The following DCX variants were observed in gnomAD, a reference collection of about 807,000 sequenced individuals.
DCX encodes doublecortin, also known as neuronal migration protein doublecortin.
A neutral mutation model predicts 20.9 loss-of-function variants in DCX; 4 were observed. That is an observed-to-expected ratio of 0.19 (90% CI 0.09 to 0.44). The LOEUF (loss-of-function observed/expected upper bound fraction) is 0.44, where lower values mean the gene tolerates loss of function less well. Among genes scored for constraint, DCX ranks in the 20% least tolerant of loss-of-function variants. DCX has a pLI of 0.99. For synonymous variants in DCX, 103 were observed against 111.4 expected (o/e 0.92, Z 0.47); for missense variants, 133 against 296.9 (o/e 0.45, Z 4.06).
intron 5 of DCX, among the ~76,000 whole-genome samples, chrX:111,315,030 C>T: frequency 9.2e-6 from 1 of 108,823 alleles, no homozygotes; most frequent in South Asian, 4.0e-4. Flanking sequence ...ACATGAAGTC[C>T]TTGCCCACGC....
chrX:111,383,651 A>G (rs967190622), intron 3 of DCX, among the ~76,000 whole-genome samples: 4 of 111,707 alleles, frequency 3.6e-5, no homozygotes, highest in Admixed American at 2.8e-4. Context: ...GAGGTAGGTT[A>G]GGCAAGGTCC....
chrX:111,328,299 C>A (rs2095104276), intron 5 of DCX, among the ~76,000 whole-genome samples: 2 of 111,472 alleles, frequency 1.8e-5, no homozygotes, highest in African/African-American at 6.5e-5. Flanking sequence ...TAACTCCCTT[C>A]AATTTGACAA....
intron 3 of DCX, among the ~76,000 whole-genome samples, chrX:111,382,579 G>T (rs185878367): frequency 8.9e-6 from 1 of 112,151 alleles, no homozygotes; most frequent in Non-Finnish European, 1.9e-5. Context: ...GCAACTGGAA[G>T]CTGTTCACAC....
At chrX:111,320,036 G>A (rs2095082853) in intron 5 of DCX, among the ~76,000 whole-genome samples, 1 of 112,233 alleles carries the variant, frequency 8.9e-6, no homozygotes, top group Admixed American at 9.4e-5. Flanking sequence ...CAAGCATTTT[G>A]GAAATCAGCT....
chrX:111,326,214 A>G (rs1208119941), intron 5 of DCX, among the ~76,000 whole-genome samples: 1 of 111,728 alleles, frequency 9.0e-6, no homozygotes, highest in East Asian at 2.8e-4. Flanking sequence ...CTGTTGAAGA[A>G]TAGCAAACTA....
intron 2 of DCX, among the ~76,000 whole-genome samples, chrX:111,405,442 G>A (rs1457744579): frequency 8.9e-6 from 1 of 111,848 alleles, no homozygotes; most frequent in Non-Finnish European, 1.9e-5. Flanking sequence ...TGAAACATAT[G>A]AGCTATGGTA....
At chrX:111,312,780 A>C (rs745826566) in intron 5 of DCX, 44 bp from the exon 6 acceptor site, 1 of 1,150,153 alleles carries the variant, frequency 8.7e-7, no homozygotes, top group Admixed American at 2.2e-5. Context: ...AATCAACAGC[A>C]TACAAAGGAG....
chrX:111,329,069 C>G (rs2095106315), intron 5 of DCX, among the ~76,000 whole-genome samples: 2 of 112,168 alleles, frequency 1.8e-5, no homozygotes, highest in Admixed American at 9.5e-5. Flanking sequence ...ATTAGCTAAG[C>G]AATTATTGCC....
intron 3 of DCX, among the ~76,000 whole-genome samples, chrX:111,347,685 A>G (rs1922949820): frequency 9.0e-6 from 1 of 111,174 alleles, no homozygotes; most frequent in South Asian, 3.9e-4. Context: ...ATCTGACTGA[A>G]TTTCTCTCCA....
In DCX at chrX:111,297,118, A is replaced by G. The variant is rs1032953149; in HGVS notation, c.*4569T>C. 1 of 112,186 alleles carries G rather than the reference A, an allele frequency of 8.9e-6. No individual in the cohort carries two copies. Among genetic ancestry groups the G allele is most frequent in the African/African-American group, 3.2e-5 (1 of 30,873 alleles). The allele number at this position is 112,186 out of a possible 1,213,427, so 9.2% of individuals were successfully genotyped here. On this transcript the variant is annotated 3_prime_UTR_variant, in exon 7 of 7. Coordinates refer to ENST00000636035, the MANE Select transcript of DCX (RefSeq NM_001195553.2). Reference sequence around the variant, plus strand: ...AGGCAATATATGAGTAAGGCCTGGAAATGGATCCAAGTGGCCCTATGTGGC... The same window carrying G: ...AGGCAATATATGAGTAAGGCCTGGAGATGGATCCAAGTGGCCCTATGTGGC...
At chrX:111,340,488 C>T (rs964437125) in intron 3 of DCX, among the ~76,000 whole-genome samples, 2 of 111,580 alleles carry the variant, frequency 1.8e-5, no homozygotes, top group African/African-American at 6.5e-5. Flanking sequence ...AGTGGGTTTT[C>T]CCCCAGTGAG....
intron 3 of DCX, among the ~76,000 whole-genome samples, chrX:111,342,999 T>A (rs1196107110): frequency 9.1e-6 from 1 of 109,773 alleles, no homozygotes; most frequent in Non-Finnish European, 1.9e-5. Flanking sequence ...ACATCACAAT[T>A]AAAAGAGCTA....
At chrX:111,327,985 C>T (rs141319724) in intron 5 of DCX, among the ~76,000 whole-genome samples, 76 of 112,292 alleles carry the variant, frequency 6.8e-4, no homozygotes, top group African/African-American at 2.2e-3. Context: ...CTGGCAATTG[C>T]CATAAAGATT....
At chrX:111,318,445 G>T (rs2095079067) in intron 5 of DCX, among the ~76,000 whole-genome samples, 1 of 107,761 alleles carries the variant, frequency 9.3e-6, no homozygotes, top group Non-Finnish European at 1.9e-5. Flanking sequence ...CTCATTATTG[G>T]GTATATACCC....
intron 3 of DCX, among the ~76,000 whole-genome samples, chrX:111,338,293 G>T (rs1392996791): frequency 8.9e-6 from 1 of 111,751 alleles, no homozygotes; most frequent in Non-Finnish European, 1.9e-5. Context: ...CTATGAGGAG[G>T]AGTGGCCAGA....
chrX:111,408,691 A>G (rs868109752), intron 2 of DCX, among the ~76,000 whole-genome samples: 48 of 103,309 alleles, frequency 4.6e-4, no homozygotes, highest in Non-Finnish European at 5.4e-4. Context: ...AGAAAGAAAG[A>G]AAGGAAGGAA....
At chrX:111,305,431 C>G (rs917845026) in intron 6 of DCX, among the ~76,000 whole-genome samples, 4 of 110,952 alleles carry the variant, frequency 3.6e-5, no homozygotes, top group African/African-American at 1.3e-4. Context: ...CTGACAAGAG[C>G]AGCTAAAATC....
chrX:111,410,446 G>A lies in DCX; in HGVS notation c.-22-26C>T, dbSNP rs755739067. On this transcript the variant is annotated intron_variant, in intron 1 of 6. Coordinates refer to ENST00000636035, the MANE Select transcript of DCX (RefSeq NM_001195553.2). ...CTGAGCGTGGGAGAAAGGGATGGGG[G>A]TGAAGAGAGGCAAAAACAAAAAGGG... The A allele has an allele frequency of 1.6e-5, 19 of 1,206,507 alleles. No individual in the cohort carries two copies. In the East Asian group the frequency reaches 5.6e-4, roughly 36 times the overall value.
At chrX:111,323,578 T>G (rs1410880391) in intron 5 of DCX, among the ~76,000 whole-genome samples, 2 of 107,639 alleles carry the variant, frequency 1.9e-5, no homozygotes, top group African/African-American at 6.8e-5. Context: ...ATCGAAGCTT[T>G]CCTTAGGTGA....
Sources: gnomAD v4.1 joint callset for allele counts (sites outside exome capture counted in the v4.1 genomes callset) on GRCh38, gnomAD v4.1.1 for gene constraint, MANE v1.5 for transcripts, NCBI Gene and HGNC (gene_info 2026-07-23, HGNC 2026-07-21) for gene names.